ADGRL3: variants seen among roughly 807,000 people sequenced by gnomAD.
ADGRL3 encodes the protein calcium-independent alpha-latrotoxin receptor 3.
ADGRL3 carries 62 observed loss-of-function variants against 153.5 expected under a neutral mutation model. The observed-to-expected ratio is 0.40, with a 90% CI of 0.33 to 0.50. The LOEUF is 0.50. Among genes scored for constraint, ADGRL3 ranks in the 20% least tolerant of loss-of-function variants. The pLI, the probability that ADGRL3 is intolerant of heterozygous loss-of-function variation, is 0.47. For missense variants in ADGRL3, 1,641 were observed against 1,859.4 expected (o/e 0.88, Z 2.16); for synonymous variants, 710 against 672.5 (o/e 1.06, Z -0.86).
chr4:61,858,063 C>T (rs996505454), intron 9 of ADGRL3, among the ~76,000 whole-genome samples: 3 of 152,028 alleles, frequency 2.0e-5, no homozygotes, highest in African/African-American at 7.2e-5. Context: ...GAACAGAGGC[C>T]GCTTTGTGGG....
intron 1 of ADGRL3, among the ~76,000 whole-genome samples, chr4:61,336,217 G>A (rs750009830): frequency 1.4e-4 from 21 of 152,098 alleles, no homozygotes; most frequent in Non-Finnish European, 2.4e-4. Context: ...CTATTTTCAA[G>A]TTGTCAGGTT....
intron 9 of ADGRL3, among the ~76,000 whole-genome samples, chr4:61,880,706 C>G (rs2098503731): frequency 6.6e-6 from 1 of 152,112 alleles, no homozygotes; most frequent in Non-Finnish European, 1.5e-5. Flanking sequence ...CAAGTATATA[C>G]TCTGTACGCT....
At chr4:61,207,722 CT>C (rs1329999214) in intron 1 of ADGRL3, among the ~76,000 whole-genome samples, 1 of 152,112 alleles carries the variant, frequency 6.6e-6, no homozygotes, top group East Asian at 1.9e-4. Flanking sequence ...TGTTTTCTGA[CT>C]TTTTAATGAT....
intron 5 of ADGRL3, among the ~76,000 whole-genome samples, chr4:61,614,318 A>G (rs1025380560): frequency 6.6e-6 from 1 of 152,338 alleles, no homozygotes; most frequent in Non-Finnish European, 1.5e-5. Flanking sequence ...ATCTCTTTCC[A>G]AACTTTGTAG....
intron 2 of ADGRL3, among the ~76,000 whole-genome samples, chr4:61,437,293 T>G (rs2097460059): frequency 1.3e-5 from 2 of 152,208 alleles, no homozygotes; most frequent in Admixed American, 1.3e-4. Context: ...TAAAAAAAAT[T>G]TAGGCTACCT....
chr4:61,717,298 A>G (rs1449773328), intron 6 of ADGRL3, among the ~76,000 whole-genome samples: 1 of 151,980 alleles, frequency 6.6e-6, no homozygotes, highest in Non-Finnish European at 1.5e-5. Context: ...GCATTTGAAT[A>G]TATTTTTCAA....
chr4:61,876,741 TA>T (rs1477585315), intron 9 of ADGRL3, among the ~76,000 whole-genome samples: 6 of 149,014 alleles, frequency 4.0e-5, no homozygotes, highest in African/African-American at 1.5e-4. Context: ...ATAAAAAAAA[TA>T]AAATAAAATA....
intron 2 of ADGRL3, among the ~76,000 whole-genome samples, chr4:61,465,758 AATAT>A (rs10701021): frequency 5.4e-5 from 7 of 130,178 alleles, no homozygotes; most frequent in South Asian, 5.0e-4. Flanking sequence ...ATTATATATA[AATAT>A]ATATATATAT....
intron 21 of ADGRL3, among the ~76,000 whole-genome samples, chr4:62,020,873 T>G (rs2099234713): frequency 6.6e-6 from 1 of 152,122 alleles, no homozygotes; most frequent in Admixed American, 6.6e-5. Context: ...GTTATCTCTT[T>G]TAATGTTCAT....
At chr4:61,950,661 A>G (rs2098943582) in intron 17 of ADGRL3, among the ~76,000 whole-genome samples, 3 of 152,234 alleles carry the variant, frequency 2.0e-5, no homozygotes, top group Non-Finnish European at 4.4e-5. Context: ...AAGAACAAAA[A>G]GAGGGTTGGA....
chr4:61,370,516 C>G (rs936641958), intron 1 of ADGRL3, among the ~76,000 whole-genome samples: 3 of 152,060 alleles, frequency 2.0e-5, no homozygotes, highest in Non-Finnish European at 2.9e-5. Context: ...GCAGGTTGTT[C>G]AGTTTCCATG....
chr4:61,306,605 G>T (rs903872851), intron 1 of ADGRL3, among the ~76,000 whole-genome samples: 5 of 152,228 alleles, frequency 3.3e-5, no homozygotes, highest in Non-Finnish European at 7.4e-5. Flanking sequence ...GAGCAGATGT[G>T]CAATGTCTTT....
intron 1 of ADGRL3, among the ~76,000 whole-genome samples, chr4:61,273,600 G>C (rs1439898495): frequency 6.6e-6 from 1 of 152,154 alleles, no homozygotes; most frequent in African/African-American, 2.4e-5. Context: ...ATTAGAAAAT[G>C]TGCCATTTTA....
intron 1 of ADGRL3, among the ~76,000 whole-genome samples, chr4:61,232,100 T>C (rs1750893570): frequency 2.0e-5 from 3 of 152,122 alleles, no homozygotes; most frequent in Non-Finnish European, 2.9e-5. Context: ...ATCTCCCTTC[T>C]GGGATTGCTG....
chr4:61,751,919 C>A (rs1334166257), intron 8 of ADGRL3, among the ~76,000 whole-genome samples: 2 of 151,860 alleles, frequency 1.3e-5, no homozygotes, highest in African/African-American at 4.8e-5. Flanking sequence ...AATAAATGAA[C>A]AAGTAATGGA....
chr4:61,832,965 G>A (rs75167009), intron 9 of ADGRL3, among the ~76,000 whole-genome samples: 4,991 of 151,852 alleles, frequency 0.033, 122 homozygotes, highest in Non-Finnish European at 0.052. Flanking sequence ...TCTGACCATT[G>A]AGTTCATGTA....
intron 2 of ADGRL3, among the ~76,000 whole-genome samples, chr4:61,425,768 G>A (rs75048272): frequency 0.01 from 1,553 of 152,276 alleles, 11 homozygotes; most frequent in Non-Finnish European, 0.015. Flanking sequence ...ATTCACGGAG[G>A]CCATATATTA....
Position 61,631,309 on chromosome 4 carries a change from G to A in ADGRL3, c.473+43869G>A, listed in dbSNP as rs112990422. ...GAAAAAAATAATAAAAGGTTTCTAA[G>A]ATCAAATAAACTTAGGAAAGCTGCA... On this transcript the variant is annotated intron_variant, in intron 5 of 26. Coordinates refer to ENST00000683033, the MANE Select transcript of ADGRL3 (RefSeq NM_001387552.1). 5.3e-5 allele frequency among the ~76,000 whole-genome samples: 8 copies of A among 152,222 alleles called. 1 individual carries two copies. Among genetic ancestry groups the A allele is most frequent in the African/African-American group, 1.9e-4 (8 of 41,568 alleles).
intron 8 of ADGRL3, among the ~76,000 whole-genome samples, chr4:61,790,711 C>A (rs1237323380): frequency 6.6e-6 from 1 of 152,114 alleles, no homozygotes; most frequent in Non-Finnish European, 1.5e-5. Context: ...TCTCATGCTG[C>A]TGATAAAGAC....
Sources: gnomAD v4.1 joint callset for allele counts (sites outside exome capture counted in the v4.1 genomes callset) on GRCh38, gnomAD v4.1.1 for gene constraint, MANE v1.5 for transcripts, NCBI Gene and HGNC (gene_info 2026-07-23, HGNC 2026-07-21) for gene names.